DOK5: variants seen among roughly 807,000 people sequenced by gnomAD.
The protein encoded by DOK5 is docking protein 5, also known as downstream of tyrosine kinase 5.
In DOK5, 27 loss-of-function variants were observed where a neutral mutation model predicts 43.3. That is an observed-to-expected ratio of 0.62 (90% CI 0.46 to 0.86). DOK5 has a LOEUF of 0.86. DOK5 is among the 40% of genes least tolerant of loss of function. DOK5 has a pLI of 0.00. For synonymous variants in DOK5, 146 were observed against 140.1 expected (o/e 1.04, Z -0.30); for missense variants, 373 against 392.9 (o/e 0.95, Z 0.43).
In DOK5 at chr20:54,578,692, C is replaced by T. The variant is rs1193536155; in HGVS notation, c.175-9791C>T. On this transcript the variant is annotated intron_variant, in intron 2 of 7. Transcript: ENST00000262593. ...GTAATGAAAATTTATAATTGCATCT[C>T]CTTTAGAAAATTTATAATTGTGTCT... is the stretch of plus-strand genomic sequence containing the variant. Among the ~76,000 whole-genome samples, 3 of 152,138 alleles carry T rather than the reference C, an allele frequency of 2.0e-5. No homozygotes were observed. The East Asian group carries it at 5.8e-4, about 29-fold the overall frequency.
At chr20:54,621,313 C>G (rs532845677) in intron 6 of DOK5, among the ~76,000 whole-genome samples, 5 of 152,256 alleles carry the variant, frequency 3.3e-5, no homozygotes, top group African/African-American at 1.2e-4. Flanking sequence ...GAAAAAGAAA[C>G]AGTGGTTGAG....
intron 1 of DOK5, among the ~76,000 whole-genome samples, chr20:54,528,291 C>T (rs1046750676): frequency 2.0e-5 from 3 of 152,122 alleles, no homozygotes; most frequent in African/African-American, 7.2e-5. Flanking sequence ...TTAGCTTTGG[C>T]TGCAGATACC....
intron 2 of DOK5, among the ~76,000 whole-genome samples, chr20:54,571,280 C>A (rs762741314): frequency 3.3e-5 from 5 of 152,088 alleles, no homozygotes; most frequent in Non-Finnish European, 5.9e-5. Flanking sequence ...TTTTGTCTGC[C>A]TCGCTCTCAG....
At chr20:54,566,016 C>CAA (rs11450454) in intron 2 of DOK5, among the ~76,000 whole-genome samples, 7,884 of 100,358 alleles carry the variant, frequency 0.079, 725 homozygotes, top group African/African-American at 0.22. Flanking sequence ...GATTCCGTCT[C>CAA]AAAAAAAAAA....
At chr20:54,517,832 G>A (rs1020640564) in intron 1 of DOK5, among the ~76,000 whole-genome samples, 1 of 152,202 alleles carries the variant, frequency 6.6e-6, no homozygotes, top group Non-Finnish European at 1.5e-5. Flanking sequence ...CATCATGTGA[G>A]AACACAGCTA....
intron 6 of DOK5, among the ~76,000 whole-genome samples, chr20:54,618,470 A>C (rs1986883636): frequency 6.6e-6 from 1 of 151,234 alleles, no homozygotes. Context: ...CAGCCTCCCT[A>C]GTAGTTGGGA....
intron 2 of DOK5, 26 bp downstream of exon 2, chr20:54,555,066 C>T: frequency 6.7e-7 from 1 of 1,503,054 alleles, no homozygotes; most frequent in Non-Finnish European, 9.3e-7. Flanking sequence ...TGTAGCTTTC[C>T]AGTAATCTAT....
chr20:54,641,549 A>G (rs1376727313), intron 6 of DOK5, among the ~76,000 whole-genome samples: 3 of 117,666 alleles, frequency 2.5e-5, no homozygotes. Flanking sequence ...TATCATCATC[A>G]TCATCATCAT....
At chr20:54,626,613 T>C (rs1987139019) in intron 6 of DOK5, among the ~76,000 whole-genome samples, 3 of 152,224 alleles carry the variant, frequency 2.0e-5, no homozygotes, top group Admixed American at 2.0e-4. Flanking sequence ...GAAGTTCACA[T>C]GTACCTTTCC....
chr20:54,569,641 TA>T (rs1003633659), intron 2 of DOK5, among the ~76,000 whole-genome samples: 1 of 152,212 alleles, frequency 6.6e-6, no homozygotes, highest in Non-Finnish European at 1.5e-5. Flanking sequence ...TATAAAATCA[TA>T]CACCCACTGA....
At chr20:54,494,373 T>G (rs1025476607) in intron 1 of DOK5, among the ~76,000 whole-genome samples, 6 of 152,226 alleles carry the variant, frequency 3.9e-5, no homozygotes, top group African/African-American at 1.4e-4. Flanking sequence ...CAGAATCCAT[T>G]GCTTAACTGT....
At chr20:54,645,812 G>T (rs1979383318) in intron 7 of DOK5, among the ~76,000 whole-genome samples, 1 of 151,682 alleles carries the variant, frequency 6.6e-6, no homozygotes, top group African/African-American at 2.4e-5. Flanking sequence ...CTTCCATCAG[G>T]ATTTGTCGAA....
intron 6 of DOK5, among the ~76,000 whole-genome samples, chr20:54,626,208 G>A (rs1396485487): frequency 1.3e-5 from 2 of 152,198 alleles, no homozygotes; most frequent in African/African-American, 4.8e-5. Context: ...TGGGATGAGG[G>A]AATGAATGAG....
rs1186047019 is a variant in DOK5, at chr20:54,650,440, T to A, written c.882T>A (p.His294Gln). 6.2e-7 allele frequency: 1 copy of A among 1,614,108 alleles called. No individual in the cohort carries two copies. The highest frequency in any genetic ancestry group is 8.5e-7 in the Non-Finnish European group (1 of 1,180,006). Residue 294 changes from histidine (H) to glutamine (Q), a missense_variant, in exon 8 of 8, where the codon CAT becomes CAA. Coordinates refer to ENST00000262593, the MANE Select transcript of DOK5 (RefSeq NM_018431.5). The stretch of plus-strand genomic sequence containing the variant: ...ATGTTTCCAGCCCTCTGAAGCTTCA[T>A]CGAACAGAGACTTTTCCAGCCTACA... The part of the protein sequence containing the change: ...LQDVSSPLKL[H>Q]RTETFPAYRS...
intron 6 of DOK5, among the ~76,000 whole-genome samples, chr20:54,613,223 CCT>C (rs11470894): frequency 0.01 from 1,508 of 148,830 alleles, 28 homozygotes; most frequent in African/African-American, 0.035. Flanking sequence ...TCTCTCGTCA[CCT>C]CTCTCTCTCT....
intron 2 of DOK5, among the ~76,000 whole-genome samples, chr20:54,584,314 C>T (rs11906534): frequency 0.022 from 3,262 of 151,318 alleles, 114 homozygotes; most frequent in African/African-American, 0.075. Flanking sequence ...TGATTCCTTC[C>T]TCATTTTCTT....
At chr20:54,566,065 T>C (rs1814083642) in intron 2 of DOK5, among the ~76,000 whole-genome samples, 1 of 151,740 alleles carries the variant, frequency 6.6e-6, no homozygotes. Flanking sequence ...GAGGACTTTT[T>C]GTGTTGCCCT....
chr20:54,641,643 C>T (rs1240222536), intron 6 of DOK5, among the ~76,000 whole-genome samples: 1 of 152,066 alleles, frequency 6.6e-6, no homozygotes, highest in Non-Finnish European at 1.5e-5. Context: ...GGTATCATCT[C>T]ATCAAACTCT....
chr20:54,579,296 G>A (rs1985555683), intron 2 of DOK5, among the ~76,000 whole-genome samples: 1 of 151,896 alleles, frequency 6.6e-6, no homozygotes, highest in Non-Finnish European at 1.5e-5. Flanking sequence ...AAAATACAAT[G>A]GATAGAAAAT....
Sources: allele counts gnomAD v4.1 joint callset (sites outside exome capture counted in the v4.1 genomes callset), GRCh38; gene constraint gnomAD v4.1.1; transcripts MANE v1.5; gene names NCBI Gene and HGNC (gene_info 2026-07-23, HGNC 2026-07-21).